The following BANK1 variants were observed in gnomAD, a reference collection of about 807,000 sequenced individuals.
BANK1 encodes the protein B-cell scaffold protein with ankyrin repeats.
BANK1 carries 95 observed loss-of-function variants against 94.5 expected under a neutral mutation model. The observed-to-expected ratio is 1.00, with a 90% confidence interval of 0.85 to 1.19. The LOEUF (loss-of-function observed/expected upper bound fraction) is 1.19, where lower values mean the gene tolerates loss of function less well. Ranked by LOEUF, BANK1 falls within the 50% of genes most tolerant of loss-of-function variation. The pLI is 0.00. For missense variants in BANK1, 987 were observed against 932.2 expected (o/e 1.06, Z -0.77); for synonymous variants, 334 against 308.4 (o/e 1.08, Z -0.87).
Position 102,074,139 on chromosome 4 carries a change from T to C in BANK1, c.*140T>C, listed in dbSNP as rs1262922079. On this transcript the variant is annotated 3_prime_UTR_variant, in exon 17 of 17. Transcript: ENST00000322953. Reference sequence around the variant, plus strand: ...AAACAAAACTTCAGATTTCAGAATTTGTTATTGGCAAAATTTATTCTCATT... The same window carrying C: ...AAACAAAACTTCAGATTTCAGAATTCGTTATTGGCAAAATTTATTCTCATT... 3.1e-5 allele frequency: 5 copies of C among 163,412 alleles called. No individual in the cohort carries two copies. The highest frequency in any genetic ancestry group is 1.2e-4 in the African/African-American group (5 of 41,604). 10.1% of individuals were successfully genotyped at this position (163,412 alleles called of 1,614,324 possible).
At position 101,996,916 on chromosome 4, in the gene BANK1, T is replaced by C. The variant is rs528313228; in HGVS notation, c.1207-24598T>C. Reference sequence around the variant, plus strand: ...TTCCTCTTTTCCTATTTGAATACCCTTTTTTTCTTTCTCTTGCTTGATTGC... The same window carrying C: ...TTCCTCTTTTCCTATTTGAATACCCCTTTTTTCTTTCTCTTGCTTGATTGC... On this transcript the variant is annotated intron_variant, in intron 7 of 16. Transcript: ENST00000322953. 4.6e-5 allele frequency among the ~76,000 whole-genome samples: 7 copies of C among 152,282 alleles called. No individual in the cohort carries two copies. The East Asian group carries it at 1.2e-3, about 25-fold the overall frequency.
chr4:102,000,184 A>G (rs1455676267), intron 7 of BANK1, among the ~76,000 whole-genome samples: 1 of 152,004 alleles, frequency 6.6e-6, no homozygotes, highest in African/African-American at 2.4e-5. Context: ...TTAGCCAGGC[A>G]TGGTAGCTCA....
At chr4:102,061,503 C>T (rs1181272322) in intron 12 of BANK1, 1 of 152,220 alleles carries the variant, frequency 6.6e-6, no homozygotes, top group African/African-American at 2.4e-5. Context: ...AATATTGCTT[C>T]TCAATCATGT....
chr4:101,881,829 A>G (rs1728686780), intron 5 of BANK1, among the ~76,000 whole-genome samples: 1 of 152,074 alleles, frequency 6.6e-6, no homozygotes, highest in Non-Finnish European at 1.5e-5. Context: ...AAAGACAAAC[A>G]TCGCATGTTC....
At chr4:102,040,022 A>G (rs757435184) in intron 10 of BANK1, among the ~76,000 whole-genome samples, 4 of 152,080 alleles carry the variant, frequency 2.6e-5, no homozygotes, top group African/African-American at 4.8e-5. Flanking sequence ...TTTTATCACT[A>G]TAGCCACTTA....
intron 6 of BANK1, among the ~76,000 whole-genome samples, chr4:101,903,591 C>T (rs1270871864): frequency 6.6e-6 from 1 of 152,142 alleles, no homozygotes; most frequent in African/African-American, 2.4e-5. Flanking sequence ...GCTCTATGGA[C>T]TTGCTTTGCA....
At chr4:101,812,545 A>G (rs954932367) in intron 1 of BANK1, among the ~76,000 whole-genome samples, 1 of 151,984 alleles carries the variant, frequency 6.6e-6, no homozygotes, top group African/African-American at 2.4e-5. Context: ...TATTCTTGAC[A>G]TAGCTCTATC....
At chr4:101,974,740 G>C (rs1481393734) in intron 7 of BANK1, among the ~76,000 whole-genome samples, 2 of 151,752 alleles carry the variant, frequency 1.3e-5, no homozygotes, top group African/African-American at 4.8e-5. Context: ...CTGATGTCAG[G>C]AGTTCGAGAC....
At chr4:102,014,655 C>T (rs1300877187) in intron 7 of BANK1, among the ~76,000 whole-genome samples, 1 of 152,080 alleles carries the variant, frequency 6.6e-6, no homozygotes, top group East Asian at 1.9e-4. Context: ...GAGTATTTCA[C>T]ATCTCTTGTA....
chr4:101,797,116 T>C (rs1171264514), intron 1 of BANK1, among the ~76,000 whole-genome samples: 1 of 152,188 alleles, frequency 6.6e-6, no homozygotes, highest in Non-Finnish European at 1.5e-5. Context: ...CATTAAGTTA[T>C]ACATAGTGTG....
chr4:101,807,924 TA>T (rs533986986), intron 1 of BANK1, among the ~76,000 whole-genome samples: 14 of 145,168 alleles, frequency 9.6e-5, no homozygotes, highest in Non-Finnish European at 1.1e-4. Flanking sequence ...CTACTAAAAA[TA>T]AAAAAAAAAA....
chr4:102,015,037 C>T (rs1726646432), intron 7 of BANK1, among the ~76,000 whole-genome samples: 1 of 151,866 alleles, frequency 6.6e-6, no homozygotes, highest in African/African-American at 2.4e-5. Context: ...TTGCTAAACC[C>T]CTTCTTTTTC....
intron 7 of BANK1, among the ~76,000 whole-genome samples, chr4:101,939,983 AAATTC>A (rs1469921182): frequency 6.6e-6 from 1 of 151,778 alleles, no homozygotes; most frequent in Non-Finnish European, 1.5e-5. Flanking sequence ...GAGCAAGAGC[AAATTC>A]ATCTCCTAGC....
intron 11 of BANK1, among the ~76,000 whole-genome samples, chr4:102,054,899 T>G (rs1252844441): frequency 6.6e-6 from 1 of 152,092 alleles, no homozygotes; most frequent in Non-Finnish European, 1.5e-5. Flanking sequence ...TTTAGTCTTC[T>G]GCTTTTGGGA....
intron 10 of BANK1, among the ~76,000 whole-genome samples, chr4:102,035,742 T>A (rs1388068346): frequency 6.6e-6 from 1 of 152,146 alleles, no homozygotes; most frequent in Non-Finnish European, 1.5e-5. Flanking sequence ...CTAAGCCAGA[T>A]CTTAGGTTAA....
intron 4 of BANK1, among the ~76,000 whole-genome samples, chr4:101,868,162 G>A (rs1237742362): frequency 2.0e-5 from 3 of 151,946 alleles, no homozygotes; most frequent in African/African-American, 4.8e-5. Context: ...AGTAATTGCG[G>A]TTTTGCAAAT....
intron 5 of BANK1, among the ~76,000 whole-genome samples, chr4:101,889,976 A>G (rs555691185): frequency 6.6e-6 from 1 of 152,178 alleles, no homozygotes; most frequent in South Asian, 2.1e-4. Flanking sequence ...ACACTTTCCT[A>G]TGATCTTTCT....
intron 9 of BANK1, among the ~76,000 whole-genome samples, chr4:102,025,923 ACT>A (rs1395000012): frequency 6.6e-6 from 1 of 152,218 alleles, no homozygotes; most frequent in Non-Finnish European, 1.5e-5. Flanking sequence ...TTTAAAACAT[ACT>A]CTCAGTCTTC....
intron 7 of BANK1, among the ~76,000 whole-genome samples, chr4:101,922,008 C>CTGTGTGTG (rs1560634196): frequency 6.5e-5 from 5 of 77,256 alleles, no homozygotes; most frequent in Non-Finnish European, 1.4e-4. Context: ...GACACTGGGC[C>CTGTGTGTG]CGTGTGTGTG....
Sources: gnomAD v4.1 joint callset for allele counts (sites outside exome capture counted in the v4.1 genomes callset) on GRCh38, gnomAD v4.1.1 for gene constraint, MANE v1.5 for transcripts, NCBI Gene and HGNC (gene_info 2026-07-23, HGNC 2026-07-21) for gene names.